Variants in CTNNA2 observed in about 807,000 individuals in gnomAD.
CTNNA2 encodes the protein catenin alpha-2.
In CTNNA2, 42 loss-of-function variants were observed where a neutral mutation model predicts 101.0. That is an observed-to-expected ratio of 0.42 (90% confidence interval 0.32 to 0.54). CTNNA2 has a LOEUF of 0.54. Among genes scored for constraint, CTNNA2 ranks in the 20% least tolerant of loss-of-function variants. CTNNA2 has a pLI of 0.14. For missense variants in CTNNA2, 871 were observed against 1,223.1 expected (o/e 0.71, Z 4.29); for synonymous variants, 450 against 456.4 (o/e 0.99, Z 0.18).
chr2:80,542,179 CT>C (rs1691623983), intron 9 of CTNNA2, among the ~76,000 whole-genome samples: 1 of 151,710 alleles, frequency 6.6e-6, no homozygotes, highest in South Asian at 2.1e-4. Flanking sequence ...CATCAAATGT[CT>C]AGTTAATATT....
chr2:79,993,021 A>T (rs906618858), intron 7 of CTNNA2, among the ~76,000 whole-genome samples: 1 of 151,924 alleles, frequency 6.6e-6, no homozygotes, highest in Non-Finnish European at 1.5e-5. Context: ...GGGTTCTTTG[A>T]TTCTCCCCAT....
intron 7 of CTNNA2, among the ~76,000 whole-genome samples, chr2:80,043,177 CCTTCCTTTCTTT>C (rs1217996829): frequency 7.9e-5 from 6 of 75,614 alleles, no homozygotes; most frequent in African/African-American, 4.5e-4. Flanking sequence ...TTCCTTCCTT[CCTTCCTTTCTTT>C]CTTTCTTTCT....
chr2:79,566,218 A>G (rs1470267320), intron 1 of CTNNA2, among the ~76,000 whole-genome samples: 1 of 152,166 alleles, frequency 6.6e-6, no homozygotes, highest in African/African-American at 2.4e-5. Flanking sequence ...CCAGCTTTCA[A>G]AGTATTTCAT....
At chr2:79,406,255 G>A (rs548363323) in intron 4 of CTNNA2, among the ~76,000 whole-genome samples, 4 of 152,166 alleles carry the variant, frequency 2.6e-5, no homozygotes, top group African/African-American at 9.6e-5. Flanking sequence ...GAAGTTCAGA[G>A]TAACAATCAA....
At chr2:80,110,834 T>C (rs1280547867) in intron 7 of CTNNA2, among the ~76,000 whole-genome samples, 3 of 152,180 alleles carry the variant, frequency 2.0e-5, no homozygotes, top group African/African-American at 7.2e-5. Context: ...GATGAAACTT[T>C]GGTTGAAACT....
At chr2:79,334,378 A>G (rs1024946833) in intron 3 of CTNNA2, among the ~76,000 whole-genome samples, 6 of 152,196 alleles carry the variant, frequency 3.9e-5, no homozygotes, top group African/African-American at 9.6e-5. Context: ...CCAAAAAAAA[A>G]AGCTGCCTGT....
intron 2 of CTNNA2, among the ~76,000 whole-genome samples, chr2:79,251,262 A>G (rs1175143736): frequency 1.3e-5 from 2 of 152,090 alleles, no homozygotes; most frequent in South Asian, 2.1e-4. Flanking sequence ...ATGCTCTGTT[A>G]CTGATCCATG....
intron 8 of CTNNA2, among the ~76,000 whole-genome samples, chr2:80,408,741 T>G (rs1573969386): frequency 6.6e-6 from 1 of 151,176 alleles, no homozygotes; most frequent in East Asian, 1.9e-4. Context: ...GGGGTGGGAG[T>G]GAAGAATTGA....
intron 3 of CTNNA2, among the ~76,000 whole-genome samples, chr2:79,745,922 A>G (rs1345565450): frequency 6.6e-6 from 1 of 152,126 alleles, no homozygotes. Flanking sequence ...ATAGACTCAG[A>G]GGTGGTATTA....
chr2:79,200,878 G>A lies in CTNNA2; in HGVS notation c.-406+2802G>A, dbSNP rs572205377. Among the ~76,000 whole-genome samples the A allele has an allele frequency of 7.2e-5, 11 of 151,932 alleles. No individual in the cohort carries two copies. In the South Asian group the frequency reaches 1.0e-3, roughly 14 times the overall value. On this transcript the variant is annotated intron_variant, in intron 2 of 21. Transcript: ENST00000466387. The stretch of plus-strand genomic sequence containing the variant: ...AGCAAAGACAAATTGCCAATATTTC[G>A]GAAGTAATAAGTATCAAATCTGAAA...
chr2:79,869,367 C>T (rs1682409026), intron 4 of CTNNA2, among the ~76,000 whole-genome samples: 1 of 152,190 alleles, frequency 6.6e-6, no homozygotes, highest in South Asian at 2.1e-4. Flanking sequence ...GAGATGTTGT[C>T]AACATTGGTT....
chr2:79,561,730 A>T (rs531822327), intron 1 of CTNNA2, among the ~76,000 whole-genome samples: 1 of 151,904 alleles, frequency 6.6e-6, no homozygotes, highest in African/African-American at 2.4e-5. Context: ...GCATCTTTTC[A>T]TGTACTTGGT....
At chr2:79,451,232 A>T (rs905013028) in intron 4 of CTNNA2, among the ~76,000 whole-genome samples, 1 of 152,134 alleles carries the variant, frequency 6.6e-6, no homozygotes, top group Non-Finnish European at 1.5e-5. Context: ...TTTTCAAGTG[A>T]TTGCCAAATG....
chr2:79,314,537 G>T (rs1479122566), intron 3 of CTNNA2, among the ~76,000 whole-genome samples: 1 of 152,212 alleles, frequency 6.6e-6, no homozygotes, highest in Non-Finnish European at 1.5e-5. Context: ...TAGTAATAAG[G>T]CTCAGAGAAT....
intron 7 of CTNNA2, among the ~76,000 whole-genome samples, chr2:80,026,108 A>G (rs1402005608): frequency 2.0e-5 from 3 of 152,198 alleles, no homozygotes; most frequent in Non-Finnish European, 4.4e-5. Flanking sequence ...TAAGGAGATG[A>G]CATTGAGGAA....
At chr2:79,481,318 A>T (rs1189792698) in intron 4 of CTNNA2, among the ~76,000 whole-genome samples, 2 of 152,262 alleles carry the variant, frequency 1.3e-5, no homozygotes, top group East Asian at 3.9e-4. Flanking sequence ...CAACAAAAAG[A>T]TGCTCTGTTT....
Position 79,655,909 on chromosome 2 carries a change from C to A in CTNNA2, c.102+4251C>A, listed in dbSNP as rs1034857641. On this transcript the variant is annotated intron_variant, in intron 2 of 18. Transcript: ENST00000402739. ...CCTTCTGTTGCAGACAAAAGCAATG[C>A]ATTAAAATATTTTCTCAAATTAAGG... Among the ~76,000 whole-genome samples, 3 of 151,964 alleles carry A rather than the reference C, an allele frequency of 2.0e-5. 1 individual carries two copies.
intron 7 of CTNNA2, among the ~76,000 whole-genome samples, chr2:80,074,355 A>G (rs1411851911): frequency 6.6e-6 from 1 of 152,170 alleles, no homozygotes; most frequent in African/African-American, 2.4e-5. Context: ...GTGACACAAA[A>G]CATTTAAAGA....
At chr2:80,059,634 G>A (rs1041379375) in intron 7 of CTNNA2, among the ~76,000 whole-genome samples, 2 of 152,180 alleles carry the variant, frequency 1.3e-5, no homozygotes, top group South Asian at 2.1e-4. Context: ...CTCCCCATCA[G>A]CGTGTGAGCC....
Sources: gnomAD v4.1 joint callset for allele counts (sites outside exome capture counted in the v4.1 genomes callset) on GRCh38, gnomAD v4.1.1 for gene constraint, MANE v1.5 for transcripts, NCBI Gene and HGNC (gene_info 2026-07-23, HGNC 2026-07-21) for gene names.